ITPR3: variants seen among roughly 807,000 people sequenced by gnomAD.
The protein encoded by ITPR3 is inositol 1,4,5-trisphosphate-gated calcium channel ITPR3.
ITPR3 carries 173 observed loss-of-function variants against 293.2 expected under a neutral mutation model. The observed-to-expected ratio is 0.59, with a 90% CI of 0.52 to 0.67. The LOEUF is 0.67. Among genes scored for constraint, ITPR3 ranks in the 30% least tolerant of loss-of-function variants. The pLI, the probability that ITPR3 is intolerant of heterozygous loss-of-function variation, is 0.00. For synonymous variants in ITPR3, 1,295 were observed against 1,444.4 expected, an observed-to-expected ratio of 0.90 and a Z score of 2.35; for missense variants, 2,796 against 3,592.1, an observed-to-expected ratio of 0.78 and a Z score of 5.66.
At chr6:33,643,624 CCTT>C (rs1763999631) in intron 2 of ITPR3, among the ~76,000 whole-genome samples, 1 of 152,136 alleles carries the variant, frequency 6.6e-6, no homozygotes, top group African/African-American at 2.4e-5. Context: ...AGCCCTTTTT[CCTT>C]CTTTTCCTCC....
intron 49 of ITPR3, 58 bp downstream of exon 49, chr6:33,688,839 G>T (rs1765311774): frequency 1.2e-6 from 2 of 1,612,100 alleles, no homozygotes; most frequent in Non-Finnish European, 8.5e-7. Flanking sequence ...TCCTCCCTGG[G>T]TTGGGGCAGA....
chr6:33,659,352 C>A, intron 6 of ITPR3, 114 bp from the exon 7 acceptor site: 1 of 1,023,318 alleles, frequency 9.8e-7, no homozygotes, highest in Admixed American at 2.0e-5. Context: ...TAGGAGAAGA[C>A]ACCCTGTCCT....
At position 33,678,446 on chromosome 6, in the gene ITPR3, T is replaced by C; in HGVS notation, c.3674T>C (p.Leu1225Pro). 6.2e-7 allele frequency: 1 copy of C among 1,613,760 alleles called. No homozygotes were observed. Among genetic ancestry groups the C allele is most frequent in the Non-Finnish European group, 8.5e-7 (1 of 1,179,968 alleles). Residue 1225 changes from leucine (L) to proline (P), a missense_variant, in exon 29 of 58, where the codon CTG (leucine) becomes CCG (proline). This residue lies in a region of ITPR3 where 344 missense variants were observed against 460.3 expected (regional missense o/e 0.75). Coordinates refer to ENST00000605930, the MANE Select transcript of ITPR3 (RefSeq NM_002224.4). ...DKGDAKMMEI[L>P]RYTHQFLQKF... ...GGTGATGCCAAGATGATGGAGATCCTGCGCTACACGCACCAGTTCCTGCAG... is the reference window on the plus strand; with the variant it reads ...GGTGATGCCAAGATGATGGAGATCCCGCGCTACACGCACCAGTTCCTGCAG...
chr6:33,640,151 G>C (rs1338504158), intron 1 of ITPR3, among the ~76,000 whole-genome samples: 1 of 152,076 alleles, frequency 6.6e-6, no homozygotes, highest in Non-Finnish European at 1.5e-5. Context: ...AGGGCAGCAG[G>C]GTCTCAGGGC....
Position 33,624,134 on chromosome 6 carries a change from TC to T in ITPR3, c.89+2447del, listed in dbSNP as rs1337965184. 6.6e-6 allele frequency among the ~76,000 whole-genome samples: 1 copy of T among 152,200 alleles called. No homozygotes were observed. The highest frequency in any genetic ancestry group is 2.4e-5 in the African/African-American group (1 of 41,446). ...GTGGCCTCTTTTGAGAAATCCAGCT[TC>T]CCCAACCCCTAGGGCAGAATTAACC... On this transcript the variant is annotated intron_variant, in intron 1 of 57. Transcript: ENST00000605930. The surrounding 1 kb of genome is among the most constrained non-coding windows in gnomAD (Gnocchi z 4.7).
chr6:33,694,702 A>ATTGT, intron 56 of ITPR3: 2 of 554,920 alleles, frequency 3.6e-6, no homozygotes, highest in South Asian at 2.3e-5. Flanking sequence ...GCCTAACGGA[A>ATTGT]GTCAGCCTGT....
intron 39 of ITPR3, 116 bp from the exon 40 acceptor site, chr6:33,685,231 AGCACCCAGGCCT>A: frequency 1.0e-6 from 1 of 957,002 alleles, no homozygotes; most frequent in Non-Finnish European, 1.6e-6. Context: ...GCTAGCCACC[AGCACCCAGGCCT>A]GCAGCCAGGC....
At position 33,670,886 on chromosome 6, in the gene ITPR3, C is replaced by T; in HGVS notation, c.2586+71C>T. 1 of 1,557,030 alleles carries T rather than the reference C, an allele frequency of 6.4e-7. No homozygotes were observed. Among genetic ancestry groups the T allele is most frequent in the Non-Finnish European group, 8.7e-7 (1 of 1,148,198 alleles). On this transcript the variant is annotated intron_variant, in intron 20 of 57. Coordinates refer to ENST00000605930, the MANE Select transcript of ITPR3 (RefSeq NM_002224.4). This position sits in a 1 kb window ranked among gnomAD's most constrained non-coding sequence, Gnocchi z 6.7. ...TTGGCCCCACACTGGCCTCGGTCTTCACCCAGGAGTCGGCTGTGGGATCCA... is the reference window on the plus strand; with the variant it reads ...TTGGCCCCACACTGGCCTCGGTCTTTACCCAGGAGTCGGCTGTGGGATCCA...
chr6:33,690,431 A>G (rs1765359093), intron 51 of ITPR3, among the ~76,000 whole-genome samples: 1 of 152,162 alleles, frequency 6.6e-6, no homozygotes, highest in Non-Finnish European at 1.5e-5. Context: ...TGGTGGTTCA[A>G]GCCTGGACTC....
At position 33,666,422 on chromosome 6, in the gene ITPR3, G is replaced by A. The variant is rs1322531633; in HGVS notation, c.1551+446G>A. Reference sequence around the variant, plus strand: ...TTTATGTAGCTCGGTTCACACATCCGTCTTTCCATCCACACATTGCAAAAT... The same window carrying A: ...TTTATGTAGCTCGGTTCACACATCCATCTTTCCATCCACACATTGCAAAAT... On this transcript the variant is annotated intron_variant, in intron 14 of 57. Coordinates refer to ENST00000605930, the MANE Select transcript of ITPR3 (RefSeq NM_002224.4). This position sits in a 1 kb window ranked among gnomAD's most constrained non-coding sequence, Gnocchi z 5.1. Among the ~76,000 whole-genome samples the A allele has an allele frequency of 1.3e-5, 2 of 152,130 alleles. No individual in the cohort carries two copies. Among genetic ancestry groups the A allele is most frequent in the South Asian group, 2.1e-4 (1 of 4,826 alleles).
chr6:33,663,693 TGAGAA>T (rs752306500), intron 10 of ITPR3, 40 bp from the exon 11 acceptor site: 1 of 1,611,098 alleles, frequency 6.2e-7, no homozygotes, highest in Non-Finnish European at 8.5e-7. Context: ...TTCATGGGCT[TGAGAA>T]GAGGGAGGGC....
At chr6:33,626,304 T>C (rs1407182626) in intron 1 of ITPR3, among the ~76,000 whole-genome samples, 2 of 152,144 alleles carry the variant, frequency 1.3e-5, no homozygotes, top group Admixed American at 6.6e-5. Flanking sequence ...TTATCCTCTA[T>C]GGTGCTCTGG....
Position 33,658,776 on chromosome 6 carries a change from G to A in ITPR3, c.476G>A (p.Gly159Asp), listed in dbSNP as rs779114866. 2.5e-6 allele frequency: 4 copies of A among 1,614,208 alleles called. No homozygotes were observed. The highest frequency in any genetic ancestry group is 3.4e-6 in the Non-Finnish European group (4 of 1,180,030). ...ACTCTGGATGCCACAGGCAACGAGG[G>A]TTCCTGGCTCTTCATCCAGCCCTTC... ...RVTLDATGNE[G>D]SWLFIQPFWK... The change falls in exon 5 of 58, where the codon GGT (glycine) becomes GAT (aspartate). Residue 159 changes from glycine (G) to aspartate (D), a missense_variant. Transcript: ENST00000605930. The surrounding 1 kb of genome is among the most constrained non-coding windows in gnomAD (Gnocchi z 6.1).
In ITPR3 at chr6:33,680,458, T is replaced by C. The variant is rs780088706; in HGVS notation, c.4350+4T>C. 2.5e-6 allele frequency: 4 copies of C among 1,612,640 alleles called. No homozygotes were observed. The highest frequency in any genetic ancestry group is 3.4e-6 in the Non-Finnish European group (4 of 1,179,878). ...CTTCACCCTGGACATGGCCCGGGTC[T>C]GTCCCTGTGAGGGGTGTGGGTGAAG... On this transcript the variant is annotated splice_donor_region_variant and intron_variant, in intron 32 of 57. Transcript: ENST00000605930.
chr6:33,680,679 A>T lies in ITPR3; in HGVS notation c.4475A>T (p.Gln1492Leu), dbSNP rs767422504. ...SPFSENSTSL[Q>L]THQTIVVQLL... is the part of the protein sequence containing the mutation. Reference sequence around the variant, plus strand: ...TTCTCTGAGAACAGCACTTCCCTGCAGGTGAGCTTCTCCTCTCCCACCACC... The same window carrying T: ...TTCTCTGAGAACAGCACTTCCCTGCTGGTGAGCTTCTCCTCTCCCACCACC... Residue 1492 changes from glutamine (Q) to leucine (L), a missense_variant and splice_region_variant, in exon 33 of 58, where the codon CAG becomes CTG. Gln to Leu is a moderately radical substitution (Grantham distance 113, BLOSUM62 -2). This residue lies in a region of ITPR3 where 704 missense variants were observed against 797.5 expected (regional missense o/e 0.88). Transcript: ENST00000605930. The T allele has an allele frequency of 5.8e-5, 94 of 1,611,390 alleles. No homozygotes were observed. Among genetic ancestry groups the T allele is most frequent in the Non-Finnish European group, 7.9e-5 (93 of 1,177,782 alleles).
At chr6:33,629,441 C>T (rs765132185) in intron 1 of ITPR3, among the ~76,000 whole-genome samples, 7 of 72,496 alleles carry the variant, frequency 9.7e-5, no homozygotes, top group Non-Finnish European at 2.0e-4. Flanking sequence ...GGATTACAGC[C>T]ACTGGGCCCA....
At chr6:33,653,642 G>A (rs553377645) in intron 2 of ITPR3, among the ~76,000 whole-genome samples, 1 of 152,318 alleles carries the variant, frequency 6.6e-6, no homozygotes, top group East Asian at 1.9e-4. Flanking sequence ...CCAGAACACT[G>A]CTCATAGATG....
intron 2 of ITPR3, among the ~76,000 whole-genome samples, chr6:33,641,885 G>A (rs1763961799): frequency 6.6e-6 from 1 of 152,120 alleles, no homozygotes; most frequent in Non-Finnish European, 1.5e-5. Context: ...CGCACTGCTG[G>A]CCCCACCTCC....
Position 33,675,745 on chromosome 6 carries a change from C to T in ITPR3, c.3171C>T (p.Arg1057=), listed in dbSNP as rs774110911. The T allele has an allele frequency of 4.3e-6, 7 of 1,613,038 alleles. No individual in the cohort carries two copies. The highest frequency in any genetic ancestry group is 1.3e-5 in the African/African-American group (1 of 75,040). Residue 1057 remains arginine, a synonymous_variant, in exon 25 of 58, where the codon CGC becomes CGT. Coordinates refer to ENST00000605930, the MANE Select transcript of ITPR3 (RefSeq NM_002224.4). This position sits in a 1 kb window ranked among gnomAD's most constrained non-coding sequence, Gnocchi z 5.0. ...ACGAGGGCGGCCGCATGTTCCTGCG[C>T]GTGCTCATCCACCTCACCATGCACG... ...VDDEGGRMFL[R]VLIHLTMHDY...
Sources: allele counts gnomAD v4.1 joint callset (sites outside exome capture counted in the v4.1 genomes callset), GRCh38; gene constraint gnomAD v4.1.1; regional missense constraint gnomAD v4.1.1; non-coding constraint Gnocchi (gnomAD v3.1); transcripts MANE v1.5; gene names NCBI Gene and HGNC (gene_info 2026-07-23, HGNC 2026-07-21).